Variants in ROCK1 observed in about 807,000 individuals in gnomAD.
ROCK1 encodes rho-associated protein kinase 1.
In ROCK1, 36 loss-of-function variants were observed where a neutral mutation model predicts 196.8. The observed-to-expected ratio is 0.18, with a 90% CI of 0.14 to 0.24. The LOEUF (loss-of-function observed/expected upper bound fraction) is 0.24. ROCK1 is among the 10% of genes least tolerant of loss of function. ROCK1 has a pLI of 1.00. For synonymous variants in ROCK1, 443 were observed against 515.9 expected, an observed-to-expected ratio of 0.86 and a Z score of 1.91; for missense variants, 920 against 1,562.0, an observed-to-expected ratio of 0.59 and a Z score of 6.93.
intron 16 of ROCK1, among the ~76,000 whole-genome samples, chr18:21,000,454 G>A (rs1454754122): frequency 6.6e-6 from 1 of 152,042 alleles, no homozygotes; most frequent in African/African-American, 2.4e-5. Flanking sequence ...GTAGAGACAT[G>A]GTTTTGCCAC....
At chr18:21,049,264 T>C in intron 3 of ROCK1, 35 bp from the exon 4 acceptor site, 4 of 1,470,574 alleles carry the variant, frequency 2.7e-6, no homozygotes, top group South Asian at 2.9e-5. Flanking sequence ...ATGAACCTTT[T>C]GTTAACATTT....
Position 20,970,528 on chromosome 18 carries a change from T to TA in ROCK1, c.2655-16dup. ...CAAGAGTTTCTCTGCAACAATTTTTTAAGAGAAACTGATGTAAACAAATTC... is the reference window on the plus strand; with the variant it reads ...CAAGAGTTTCTCTGCAACAATTTTTTAAAGAGAAACTGATGTAAACAAATTC... On this transcript the variant is annotated splice_polypyrimidine_tract_variant and intron_variant, in intron 22 of 32. Transcript: ENST00000399799. 6.3e-7 allele frequency: 1 copy of TA among 1,574,902 alleles called. No individual in the cohort carries two copies. Among genetic ancestry groups the TA allele is most frequent in the East Asian group, 2.3e-5 (1 of 44,442 alleles).
intron 6 of ROCK1, among the ~76,000 whole-genome samples, chr18:21,043,381 G>C (rs1458020889): frequency 3.3e-5 from 5 of 151,734 alleles, no homozygotes; most frequent in Non-Finnish European, 4.4e-5. Context: ...TATATTCGCT[G>C]GTATTAATGA....
rs778302279 is a variant in ROCK1 at position 21,042,611 on chromosome 18, T to G, written c.774A>C (p.Glu258Asp). 1.1e-5 allele frequency: 18 copies of G among 1,613,886 alleles called. No individual in the cohort carries two copies. Among genetic ancestry groups the G allele is most frequent in the Non-Finnish European group, 1.5e-5 (18 of 1,179,924 alleles). The change falls in exon 7 of 33, where the codon GAA (glutamate) becomes GAC (aspartate). Residue 258 changes from glutamate to aspartate, a missense_variant. Transcript: ENST00000399799. ...SQGGDGYYGR[E>D]CDWWSVGVFL... ...ATACCCCAACCGACCACCAGTCACA[T>G]TCTCTTCCATAATAACCATCACCAC... is the stretch of plus-strand genomic sequence containing the variant.
intron 12 of ROCK1, 107 bp downstream of exon 12, chr18:21,020,044 A>T: frequency 1.7e-6 from 1 of 603,580 alleles, no homozygotes; most frequent in Non-Finnish European, 2.8e-6. Context: ...AGTAATCTTT[A>T]CATCCTCATT....
intron 1 of ROCK1, among the ~76,000 whole-genome samples, chr18:21,100,479 C>G (rs1490301787): frequency 6.6e-6 from 1 of 151,382 alleles, no homozygotes; most frequent in Non-Finnish European, 1.5e-5. Context: ...TGAAGAAGCC[C>G]CCATCAGCCA....
At position 20,968,036 on chromosome 18, in the gene ROCK1, G is replaced by C. The variant is rs868615628; in HGVS notation, c.3004-96C>G. 6.9e-6 allele frequency: 8 copies of C among 1,153,804 alleles called. No individual in the cohort carries two copies. The Middle Eastern group carries it at 9.0e-4, about 130-fold the overall frequency. The allele number at this position is 1,153,804 out of a possible 1,614,324, so 71.5% of individuals were successfully genotyped here. A position where few individuals can be genotyped will look rare whatever the true frequency, so the allele number is the denominator to read the frequency against. On this transcript the variant is annotated intron_variant, in intron 25 of 32. Coordinates refer to ENST00000399799, the MANE Select transcript of ROCK1 (RefSeq NM_005406.3). ...TCAAAATCAGGAAGCAGGACTTTCT[G>C]TGTGTATGAAAATTAGGACAACTTC...
intron 13 of ROCK1, among the ~76,000 whole-genome samples, chr18:21,013,805 TG>T (rs1243824244): frequency 6.6e-6 from 1 of 152,126 alleles, no homozygotes; most frequent in African/African-American, 2.4e-5. Flanking sequence ...GGCTCAGGCC[TG>T]TAATCCCAGC....
In ROCK1 at chr18:20,969,221, C is replaced by T; in HGVS notation, c.2821-13G>A. 2 of 1,549,570 alleles carry T rather than the reference C, an allele frequency of 1.3e-6. No individual in the cohort carries two copies. The highest frequency in any genetic ancestry group is 1.4e-5 in the African/African-American group (1 of 73,856). On this transcript the variant is annotated splice_polypyrimidine_tract_variant and intron_variant, in intron 23 of 32. Coordinates refer to ENST00000399799, the MANE Select transcript of ROCK1 (RefSeq NM_005406.3). ...TTGCTTCTTCAAGCTAAACAAAGCACACAAAAGTTTAAGCTCCAGCCTCTT... is the reference window on the plus strand; with the variant it reads ...TTGCTTCTTCAAGCTAAACAAAGCATACAAAAGTTTAAGCTCCAGCCTCTT...
At chr18:21,043,917 C>T (rs530728967) in intron 6 of ROCK1, among the ~76,000 whole-genome samples, 185 bp downstream of exon 6, 1 of 152,064 alleles carries the variant, frequency 6.6e-6, no homozygotes, top group East Asian at 1.9e-4. Flanking sequence ...AAATCACTAA[C>T]AAGTTACTAA....
At chr18:20,982,902 G>T in intron 20 of ROCK1, 70 bp from the exon 21 acceptor site, 1 of 684,288 alleles carries the variant, frequency 1.5e-6, no homozygotes, top group Non-Finnish European at 2.6e-6. Context: ...TTCTTAGTTT[G>T]TTAAAGTTGC....
At chr18:21,083,499 A>G (rs976330583) in intron 1 of ROCK1, among the ~76,000 whole-genome samples, 14 of 152,178 alleles carry the variant, frequency 9.2e-5, no homozygotes, top group South Asian at 8.3e-4. Flanking sequence ...CTCAAACAAC[A>G]TAAGTTTCAA....
At chr18:20,992,986 T>G in intron 16 of ROCK1, 49 bp from the exon 17 acceptor site, 2 of 1,126,372 alleles carry the variant, frequency 1.8e-6, no homozygotes, top group Non-Finnish European at 2.7e-6. Flanking sequence ...AAAGAAGTCT[T>G]TTTGTTCAGT....
chr18:20,983,650 G>C (rs1400798143), intron 20 of ROCK1, among the ~76,000 whole-genome samples: 1 of 152,096 alleles, frequency 6.6e-6, no homozygotes, highest in Non-Finnish European at 1.5e-5. Flanking sequence ...AATGCTGAGC[G>C]AGAGTATTTT....
chr18:21,070,685 A>C, intron 1 of ROCK1, 72 bp from the exon 2 acceptor site: 3 of 906,460 alleles, frequency 3.3e-6, no homozygotes, highest in Non-Finnish European at 5.0e-6. Context: ...TGAAAGAATA[A>C]AATATACGCT....
At chr18:20,991,371 C>T (rs371540378) in intron 17 of ROCK1, 45 bp from the exon 18 acceptor site, 2 of 1,293,624 alleles carry the variant, frequency 1.5e-6, no homozygotes, top group African/African-American at 1.5e-5. Flanking sequence ...GTGCAGAAGG[C>T]ATGCATGTTA....
intron 29 of ROCK1, among the ~76,000 whole-genome samples, chr18:20,959,093 AATAT>A (rs1259427078): frequency 3.1e-5 from 1 of 32,410 alleles, no homozygotes; most frequent in Non-Finnish European, 4.6e-5. Flanking sequence ...TATTTTATAT[AATAT>A]ATATATTATA....
chr18:20,979,968 C>T lies in ROCK1; in HGVS notation c.2596G>A (p.Glu866Lys). Residue 866 changes from glutamate (E) to lysine (K), a missense_variant, in exon 22 of 33, where the codon GAA becomes AAA. This residue lies in a region of ROCK1 where 520 missense variants were observed against 657.1 expected (regional missense o/e 0.79). Coordinates refer to ENST00000399799, the MANE Select transcript of ROCK1 (RefSeq NM_005406.3). ...YKTQVKELKEEIEEKNRENLK... is the reference protein window; with the variant it reads ...YKTQVKELKEKIEEKNRENLK... ...TTTTCTCTGTTTTTTTCTTCAATTT[C>T]TTCTTTAAGTTCCTTTACCTGGGTT... The T allele has an allele frequency of 1.3e-6, 2 of 1,550,278 alleles. No individual in the cohort carries two copies.
At chr18:21,078,448 A>AG (rs996518524) in intron 1 of ROCK1, among the ~76,000 whole-genome samples, 7 of 148,926 alleles carry the variant, frequency 4.7e-5, no homozygotes, top group African/African-American at 1.5e-4. Flanking sequence ...GCAGATAGAG[A>AG]GGAAAAAAAA....
Sources: gnomAD v4.1 joint callset for allele counts (sites outside exome capture counted in the v4.1 genomes callset) on GRCh38, gnomAD v4.1.1 for gene constraint, gnomAD v4.1.1 regional missense constraint, MANE v1.5 for transcripts, NCBI Gene and HGNC (gene_info 2026-07-23, HGNC 2026-07-21) for gene names.